IL20RB: variants seen among roughly 807,000 people sequenced by gnomAD.
The protein encoded by IL20RB is interleukin 20 receptor subunit beta.
In IL20RB, 21 loss-of-function variants were observed where a neutral mutation model predicts 33.3. That is an observed-to-expected ratio of 0.63 (90% CI 0.45 to 0.91). The LOEUF is 0.91. Among genes scored for constraint, IL20RB ranks in the 40% least tolerant of loss-of-function variants. The pLI, the probability that IL20RB is intolerant of heterozygous loss-of-function variation, is 0.00. For synonymous variants in IL20RB, 147 were observed against 146.8 expected (o/e 1.00, Z -0.01); for missense variants, 345 against 384.8 (o/e 0.90, Z 0.86).
chr3:136,989,493 T>G lies in IL20RB; in HGVS notation c.459T>G (p.Val153=). The G allele has an allele frequency of 1.2e-6, 2 of 1,613,932 alleles. No homozygotes were observed. Among genetic ancestry groups the G allele is most frequent in the East Asian group, 4.5e-5 (2 of 44,838 alleles). ...TCACCAAAGATGGCTTCCACCTGGT[T>G]ATTGAGCTGGAGGACCTGGGGCCCC... ...MEITKDGFHL[V]IELEDLGPQF... Residue 153 remains valine, a synonymous_variant, in exon 4 of 7, where the codon GTT becomes GTG. Coordinates refer to ENST00000329582, the MANE Select transcript of IL20RB (RefSeq NM_144717.4).
At chr3:136,977,680 C>T (rs1018318998) in intron 1 of IL20RB, among the ~76,000 whole-genome samples, 16 of 152,118 alleles carry the variant, frequency 1.1e-4, no homozygotes, top group African/African-American at 3.9e-4. Context: ...CACGCACTAC[C>T]ACGCCCAGCT....
At chr3:137,000,631 C>T (rs1417912463) in intron 6 of IL20RB, among the ~76,000 whole-genome samples, 2 of 152,178 alleles carry the variant, frequency 1.3e-5, no homozygotes, top group Non-Finnish European at 1.5e-5. Context: ...GCTCTCCTGA[C>T]ATAAGTGGAA....
rs915772196 is a variant in IL20RB at position 136,987,771 on chromosome 3, G to A, written c.407-1670G>A. Among the ~76,000 whole-genome samples the A allele has an allele frequency of 1.5e-4, 23 of 152,202 alleles. 1 individual carries two copies. Among genetic ancestry groups the A allele is most frequent in the African/African-American group, 1.2e-4 (5 of 41,452 alleles). On this transcript the variant is annotated intron_variant, in intron 3 of 6. Coordinates refer to ENST00000329582, the MANE Select transcript of IL20RB (RefSeq NM_144717.4). ...TAAGGCCCGGTGAGAAATCTAGCAC[G>A]GCGCCGGTGGGCTGGCACTGCTGGA...
intron 5 of IL20RB, among the ~76,000 whole-genome samples, 200 bp from the exon 6 acceptor site, chr3:136,995,214 A>C (rs1325450163): frequency 6.6e-6 from 1 of 152,238 alleles, no homozygotes; most frequent in Non-Finnish European, 1.5e-5. Context: ...TCTGGAAACC[A>C]TGCCTTCATC....
intron 4 of IL20RB, 23 bp downstream of exon 4, chr3:136,989,588 T>C (rs1181174306): frequency 6.2e-7 from 1 of 1,612,698 alleles, no homozygotes; most frequent in East Asian, 2.2e-5. Flanking sequence ...CCTTGGCCTT[T>C]GGGTCAGGCT....
chr3:137,006,948 G>A (rs1193842895), intron 6 of IL20RB, among the ~76,000 whole-genome samples: 2 of 152,196 alleles, frequency 1.3e-5, no homozygotes, highest in African/African-American at 4.8e-5. Context: ...TAGAGATGGG[G>A]TTTTGGTGTA....
At chr3:137,010,009 C>G in intron 6 of IL20RB, 104 bp from the exon 7 acceptor site, 1 of 663,492 alleles carries the variant, frequency 1.5e-6, no homozygotes, top group Non-Finnish European at 2.6e-6. Context: ...TTTGTTTTTG[C>G]TGCTTGGAAA....
rs149263230 is a variant in IL20RB at position 136,992,623 on chromosome 3, C to T, written c.682+535C>T. ...AGCAAAACCAAACAAGAGCCTACAT[C>T]CCATGATCTGTCACTCAAACATCAC... On this transcript the variant is annotated intron_variant, in intron 5 of 6. Transcript: ENST00000329582. 5.1e-3 allele frequency among the ~76,000 whole-genome samples: 770 copies of T among 152,334 alleles called. 11 individuals carry two copies. Among genetic ancestry groups the T allele is most frequent in the African/African-American group, 0.017 (696 of 41,570 alleles).
intron 6 of IL20RB, among the ~76,000 whole-genome samples, chr3:136,996,751 C>T (rs761851194): frequency 6.6e-6 from 1 of 152,172 alleles, no homozygotes; most frequent in Non-Finnish European, 1.5e-5. Flanking sequence ...CATTTCTTTT[C>T]ATAAAGCTTG....
Position 136,982,324 on chromosome 3 carries a change from T to G in IL20RB, c.380T>G (p.Leu127Arg), listed in dbSNP as rs370557813. Residue 127 changes from leucine to arginine, a missense_variant, in exon 3 of 7, where the codon CTG becomes CGG. Transcript: ENST00000329582. Reference protein sequence around the residue: ...LGSQTSAWSILKHPFNRNSTI... With the variant: ...LGSQTSAWSIRKHPFNRNSTI... ...TCACAGACCTCAGCCTGGAGCATCC[T>G]GAAGCATCCCTTTAATAGAAACTCA... 5 of 1,599,574 alleles carry G rather than the reference T, an allele frequency of 3.1e-6. No individual in the cohort carries two copies. Among genetic ancestry groups the G allele is most frequent in the Non-Finnish European group, 4.3e-6 (5 of 1,169,266 alleles).
At chr3:136,961,270 C>A (rs1190249507) in intron 1 of IL20RB, among the ~76,000 whole-genome samples, 1 of 152,104 alleles carries the variant, frequency 6.6e-6, no homozygotes, top group Non-Finnish European at 1.5e-5. Context: ...AGCCTAAGAG[C>A]CTGCTGGGAA....
intron 1 of IL20RB, among the ~76,000 whole-genome samples, chr3:136,961,061 C>T (rs1941204988): frequency 6.6e-6 from 1 of 152,212 alleles, no homozygotes; most frequent in East Asian, 1.9e-4. Flanking sequence ...CAAGGTTTTA[C>T]GAAATAGGTG....
intron 1 of IL20RB, among the ~76,000 whole-genome samples, chr3:136,971,141 G>T (rs1020358058): frequency 2.0e-5 from 3 of 151,426 alleles, no homozygotes; most frequent in African/African-American, 7.3e-5. Flanking sequence ...GTTTTGTTTT[G>T]TTTTTTTGAG....
chr3:136,967,140 G>A (rs1941373034), intron 1 of IL20RB, among the ~76,000 whole-genome samples: 1 of 143,106 alleles, frequency 7.0e-6, no homozygotes, highest in Non-Finnish European at 1.5e-5. Context: ...TTTGGAATAG[G>A]TGTGGTGTGG....
intron 3 of IL20RB, among the ~76,000 whole-genome samples, chr3:136,987,500 A>G (rs1414737492): frequency 6.6e-6 from 1 of 152,252 alleles, no homozygotes; most frequent in African/African-American, 2.4e-5. Context: ...AGGCCCCACC[A>G]GACTCAGGAG....
intron 3 of IL20RB, among the ~76,000 whole-genome samples, chr3:136,987,310 A>C (rs971465662): frequency 6.6e-6 from 1 of 152,096 alleles, no homozygotes; most frequent in African/African-American, 2.4e-5. Context: ...TACAGAGTAT[A>C]GACACAAAGG....
chr3:136,990,099 T>C (rs543288245), intron 4 of IL20RB, among the ~76,000 whole-genome samples: 9 of 151,694 alleles, frequency 5.9e-5, no homozygotes, highest in African/African-American at 2.2e-4. Flanking sequence ...GCCCTCCCCA[T>C]GGGAAGGGTG....
intron 2 of IL20RB, among the ~76,000 whole-genome samples, chr3:136,981,637 T>C (rs1293288483): frequency 6.6e-6 from 1 of 152,150 alleles, no homozygotes; most frequent in East Asian, 1.9e-4. Flanking sequence ...GAACAGTTAG[T>C]CAAAGGTCCT....
chr3:136,987,361 G>C (rs532062306), intron 3 of IL20RB, among the ~76,000 whole-genome samples: 1 of 152,064 alleles, frequency 6.6e-6, no homozygotes, highest in African/African-American at 2.4e-5. Context: ...ACAGAGTGTC[G>C]ATTGGTGCAC....
Sources: gnomAD v4.1 joint callset for allele counts (sites outside exome capture counted in the v4.1 genomes callset) on GRCh38, gnomAD v4.1.1 for gene constraint, MANE v1.5 for transcripts, NCBI Gene and HGNC (gene_info 2026-07-23, HGNC 2026-07-21) for gene names.